Variants in IMMP2L observed in about 807,000 individuals in gnomAD.
IMMP2L encodes the protein mitochondrial inner membrane protease subunit 2.
In IMMP2L, 18 loss-of-function variants were observed where a neutral mutation model predicts 19.3. The observed-to-expected ratio is 0.93, with a 90% CI of 0.64 to 1.38. IMMP2L has a LOEUF of 1.38. Ranked by LOEUF, IMMP2L falls within the 40% of genes most tolerant of loss-of-function variation. The pLI, the probability that IMMP2L is intolerant of heterozygous loss-of-function variation, is 0.00. For synonymous variants in IMMP2L, 76 were observed against 73.0 expected (o/e 1.04, Z -0.21); for missense variants, 233 against 218.2 (o/e 1.07, Z -0.43).
chr7:110,742,768 C>CAA (rs35558488), intron 5 of IMMP2L, among the ~76,000 whole-genome samples: 1 of 121,578 alleles, frequency 8.2e-6, no homozygotes, highest in Non-Finnish European at 1.8e-5. Flanking sequence ...AACTCCGTCT[C>CAA]AAAAAAAAAA....
rs557479126 is a variant in IMMP2L, at chr7:111,499,789, T to C, written c.136-12448A>G. Among the ~76,000 whole-genome samples the C allele has an allele frequency of 1.3e-5, 2 of 152,308 alleles. 1 individual carries two copies. Among genetic ancestry groups the C allele is most frequent in the Admixed American group, 1.3e-4 (2 of 15,296 alleles). On this transcript the variant is annotated intron_variant, in intron 2 of 5. Transcript: ENST00000405709. Reference sequence around the variant, plus strand: ...CTGCATGGCTCTTAGCTCTGCCCTCTGGGCTTTGGGCTCTTTTTTAAAAAG... The same window carrying C: ...CTGCATGGCTCTTAGCTCTGCCCTCCGGGCTTTGGGCTCTTTTTTAAAAAG...
At chr7:110,926,600 T>C (rs766268117) in intron 4 of IMMP2L, among the ~76,000 whole-genome samples, 22 of 152,246 alleles carry the variant, frequency 1.4e-4, no homozygotes, top group Non-Finnish European at 2.6e-4. Context: ...TGTATATGTA[T>C]TCCGTTAATT....
rs58271541 is a variant in IMMP2L, at chr7:111,164,185, A to C, written c.240-200620T>G. 0.016 allele frequency among the ~76,000 whole-genome samples: 2,361 copies of C among 151,858 alleles called. 104 individuals carry two copies. In the East Asian group the frequency reaches 0.21, roughly 14 times the overall value. ...GAAGGCAGGAAGGCAGAAAGGCAGGAAGGCAGGCAGGCAGGCAGGCAAGAA... is the reference window on the plus strand; with the variant it reads ...GAAGGCAGGAAGGCAGAAAGGCAGGCAGGCAGGCAGGCAGGCAGGCAAGAA... On this transcript the variant is annotated intron_variant, in intron 3 of 5. Coordinates refer to ENST00000405709, the MANE Select transcript of IMMP2L (RefSeq NM_032549.4).
At chr7:110,853,390 G>C (rs963273685) in intron 5 of IMMP2L, among the ~76,000 whole-genome samples, 1 of 151,950 alleles carries the variant, frequency 6.6e-6, no homozygotes, top group African/African-American at 2.4e-5. Context: ...GTGTGTTCAT[G>C]AGCTTTTATT....
At chr7:111,249,333 ACCCCTT>A (rs1408093191) in intron 3 of IMMP2L, among the ~76,000 whole-genome samples, 1 of 140,762 alleles carries the variant, frequency 7.1e-6, no homozygotes, top group African/African-American at 2.7e-5. Flanking sequence ...GAACTCCCTG[ACCCCTT>A]GCGCTTCCCA....
chr7:111,000,721 G>A (rs889382812), intron 3 of IMMP2L, among the ~76,000 whole-genome samples: 3 of 152,000 alleles, frequency 2.0e-5, no homozygotes, highest in Admixed American at 6.6e-5. Context: ...GTGGATGCCT[G>A]TAATCCCAGC....
At chr7:111,284,933 A>C (rs1820324492) in intron 3 of IMMP2L, among the ~76,000 whole-genome samples, 2 of 152,174 alleles carry the variant, frequency 1.3e-5, no homozygotes, top group Admixed American at 1.3e-4. Flanking sequence ...TCTAATGAAA[A>C]GGGAGAAATG....
intron 5 of IMMP2L, among the ~76,000 whole-genome samples, chr7:110,754,845 T>C (rs929696398): frequency 6.6e-6 from 1 of 152,006 alleles, no homozygotes; most frequent in Non-Finnish European, 1.5e-5. Flanking sequence ...AACAAGAACA[T>C]TATGCTCTTA....
At chr7:111,095,690 C>T (rs1444054193) in intron 3 of IMMP2L, among the ~76,000 whole-genome samples, 1 of 151,930 alleles carries the variant, frequency 6.6e-6, no homozygotes, top group Non-Finnish European at 1.5e-5. Context: ...TATTGATCAT[C>T]CACTATAAGT....
At chr7:110,891,230 T>C (rs1054640416) in intron 4 of IMMP2L, among the ~76,000 whole-genome samples, 24 of 116,648 alleles carry the variant, frequency 2.1e-4, no homozygotes, top group Non-Finnish European at 3.9e-4. Flanking sequence ...TGTTAACAGA[T>C]AGAACCAGAA....
intron 3 of IMMP2L, among the ~76,000 whole-genome samples, chr7:111,422,012 T>C (rs1461005573): frequency 6.6e-6 from 1 of 151,878 alleles, no homozygotes; most frequent in Non-Finnish European, 1.5e-5. Context: ...TTTGTCACGT[T>C]TGTCAAAGAA....
At chr7:111,300,844 T>C (rs765314070) in intron 3 of IMMP2L, among the ~76,000 whole-genome samples, 1 of 152,184 alleles carries the variant, frequency 6.6e-6, no homozygotes, top group Non-Finnish European at 1.5e-5. Flanking sequence ...CACTGACAGT[T>C]GCAGAACATT....
At chr7:111,529,811 G>C (rs1258351223) in intron 1 of IMMP2L, among the ~76,000 whole-genome samples, 1 of 152,130 alleles carries the variant, frequency 6.6e-6, no homozygotes, top group Non-Finnish European at 1.5e-5. Flanking sequence ...GGTTAAAACT[G>C]ATGTATTCAA....
intron 3 of IMMP2L, among the ~76,000 whole-genome samples, chr7:111,190,029 A>T (rs1237524349): frequency 6.6e-6 from 1 of 152,170 alleles, no homozygotes; most frequent in Non-Finnish European, 1.5e-5. Context: ...GGAAATTAAC[A>T]TGGCCAGTTG....
At chr7:111,424,254 G>GC (rs1835863517) in intron 3 of IMMP2L, among the ~76,000 whole-genome samples, 1 of 151,672 alleles carries the variant, frequency 6.6e-6, no homozygotes, top group Admixed American at 6.6e-5. Flanking sequence ...CTGTTACAAC[G>GC]CAAGTGCACA....
chr7:111,236,793 T>C (rs1226402493), intron 3 of IMMP2L, among the ~76,000 whole-genome samples: 1 of 152,100 alleles, frequency 6.6e-6, no homozygotes, highest in East Asian at 1.9e-4. Flanking sequence ...GAAAAACCTC[T>C]CAAGGCAATC....
Position 110,728,366 on chromosome 7 carries a change from G to T in IMMP2L, c.409-64645C>A, listed in dbSNP as rs1796038560. On this transcript the variant is annotated intron_variant, in intron 5 of 5. Transcript: ENST00000405709. This position sits in a 1 kb window ranked among gnomAD's most constrained non-coding sequence, Gnocchi z 4.6. ...ATATAAAAATTAGCTGGGCATAGTG[G>T]TGTGTGCCTGTAAACCCAGCTACTC... 6.6e-6 allele frequency among the ~76,000 whole-genome samples: 1 copy of T among 151,982 alleles called. No individual in the cohort carries two copies. The highest frequency in any genetic ancestry group is 2.4e-5 in the African/African-American group (1 of 41,358).
At chr7:111,205,119 G>C (rs1366745015) in intron 3 of IMMP2L, among the ~76,000 whole-genome samples, 2 of 152,106 alleles carry the variant, frequency 1.3e-5, no homozygotes, top group Non-Finnish European at 1.5e-5. Flanking sequence ...GTACACAAGG[G>C]ACAACACTGT....
chr7:110,883,048 C>A (rs12705745), intron 5 of IMMP2L, among the ~76,000 whole-genome samples: 50,303 of 151,990 alleles, frequency 0.33, 10,162 homozygotes, highest in East Asian at 0.64. Context: ...TTTACTTTTT[C>A]TCCTTTACTT....
Sources: allele counts gnomAD v4.1 joint callset (sites outside exome capture counted in the v4.1 genomes callset), GRCh38; gene constraint gnomAD v4.1.1; non-coding constraint Gnocchi (gnomAD v3.1); transcripts MANE v1.5; gene names NCBI Gene and HGNC (gene_info 2026-07-23, HGNC 2026-07-21).